SPTBN4: variants seen among roughly 807,000 people sequenced by gnomAD.
SPTBN4 encodes spectrin beta chain, non-erythrocytic 4.
Under a neutral mutation model 277.8 loss-of-function variants are expected in SPTBN4, and 96 were observed. The observed-to-expected ratio is 0.35, with a 90% CI of 0.29 to 0.41. SPTBN4 has a LOEUF of 0.41. Among genes scored for constraint, SPTBN4 ranks in the 10% least tolerant of loss-of-function variants. SPTBN4 has a pLI of 1.00. For missense variants in SPTBN4, 3,006 were observed against 3,595.7 expected, an observed-to-expected ratio of 0.84 and a Z score of 4.19; for synonymous variants, 1,481 against 1,580.3, an observed-to-expected ratio of 0.94 and a Z score of 1.49.
At chr19:40,549,037 G>A (rs2080887205) in intron 20 of SPTBN4, 152 bp from the exon 21 acceptor site, 2 of 616,654 alleles carry the variant, frequency 3.2e-6, no homozygotes, top group Non-Finnish European at 2.7e-6. Flanking sequence ...AGGTTCATGC[G>A]GAGCGCATCG....
In SPTBN4 at chr19:40,560,281, T is replaced by TGAG; in HGVS notation, c.5796_5798dup (p.Glu1932dup). On this transcript the variant is annotated inframe_insertion, in exon 27 of 36. Transcript: ENST00000598249. This position sits in a 1 kb window ranked among gnomAD's most constrained non-coding sequence, Gnocchi z 5.2. ...GTTGGAAAGAGCTGCTGTCAGCCTGTGAGGATGCCCGCCTGCATGTCAGCT... is the reference window on the plus strand; with the variant it reads ...GTTGGAAAGAGCTGCTGTCAGCCTGTGAGGAGGATGCCCGCCTGCATGTCAGCT... The TGAG allele has an allele frequency of 6.2e-7, 1 of 1,613,988 alleles. No individual in the cohort carries two copies. The highest frequency in any genetic ancestry group is 8.5e-7 in the Non-Finnish European group (1 of 1,179,976).
At chr19:40,480,866 C>T (rs1163306282) in intron 2 of SPTBN4, among the ~76,000 whole-genome samples, 1 of 152,074 alleles carries the variant, frequency 6.6e-6, no homozygotes, top group African/African-American at 2.4e-5. Context: ...AGTTCAAGAC[C>T]AGCCTGGGCA....
intron 17 of SPTBN4, chr19:40,524,695 A>C (rs2080569675): frequency 2.2e-6 from 1 of 448,496 alleles, no homozygotes; most frequent in Non-Finnish European, 4.5e-6. Context: ...ATTTTGCATA[A>C]GCACCTCTTC....
At chr19:40,484,200 T>C (rs1029350438) in intron 2 of SPTBN4, among the ~76,000 whole-genome samples, 2 of 152,180 alleles carry the variant, frequency 1.3e-5, no homozygotes, top group African/African-American at 4.8e-5. Context: ...CCATTAACCA[T>C]CACCCCTTCC....
chr19:40,520,727 AGTG>A (rs2145878348), intron 16 of SPTBN4, among the ~76,000 whole-genome samples: 1 of 152,322 alleles, frequency 6.6e-6, no homozygotes, highest in Admixed American at 6.5e-5. Flanking sequence ...AACCAAGTGC[AGTG>A]GTTATCTGGG....
chr19:40,473,838 A>T (rs1176742743), intron 2 of SPTBN4, among the ~76,000 whole-genome samples: 2 of 151,384 alleles, frequency 1.3e-5, no homozygotes, highest in Non-Finnish European at 2.9e-5. Context: ...AGATTCTTAG[A>T]CCTCTTGAAA....
In SPTBN4 at chr19:40,528,208, C is replaced by T. The variant is rs892461316; in HGVS notation, c.3858-833C>T. On this transcript the variant is annotated intron_variant, in intron 17 of 35. Coordinates refer to ENST00000598249, the MANE Select transcript of SPTBN4 (RefSeq NM_020971.3). ...GCAACAGGACAGGGATGCATGGGAG[C>T]CCATGTGGGATGCCCCAGCCCCATC... 3.9e-5 allele frequency among the ~76,000 whole-genome samples: 6 copies of T among 152,058 alleles called. No homozygotes were observed. The East Asian group carries it at 9.6e-4, about 24-fold the overall frequency.
At chr19:40,479,566 CA>C (rs1417657971) in intron 2 of SPTBN4, among the ~76,000 whole-genome samples, 1 of 151,590 alleles carries the variant, frequency 6.6e-6, no homozygotes, top group Non-Finnish European at 1.5e-5. Flanking sequence ...CTCGACCTCC[CA>C]AAGTGTTGGG....
Position 40,557,196 on chromosome 19 carries a change from G to T in SPTBN4, c.5463G>T (p.Glu1821Asp). The T allele has an allele frequency of 1.2e-6, 2 of 1,610,970 alleles. No individual in the cohort carries two copies. The highest frequency in any genetic ancestry group is 1.7e-6 in the Non-Finnish European group (2 of 1,177,768). Reference sequence around the variant, plus strand: ...ACGAGGCCTGGGCTGAGCTGCTGGAGCTCATGGGCACACGGGCCCAGCTGC... The same window carrying T: ...ACGAGGCCTGGGCTGAGCTGCTGGATCTCATGGGCACACGGGCCCAGCTGC... ...GLNEAWAELL[E>D]LMGTRAQLLA... The change falls in exon 26 of 36, where the codon GAG (glutamate) becomes GAT (aspartate). Residue 1821 changes from glutamate (E) to aspartate (D), a missense_variant. Coordinates refer to ENST00000598249, the MANE Select transcript of SPTBN4 (RefSeq NM_020971.3).
intron 20 of SPTBN4, 79 bp downstream of exon 20, chr19:40,534,422 G>A (rs2080712479): frequency 4.0e-6 from 6 of 1,511,810 alleles, no homozygotes; most frequent in Non-Finnish European, 4.5e-6. Flanking sequence ...CTCAAGGTAT[G>A]TCAAGTGGAG....
chr19:40,509,293 C>T (rs888417576), intron 13 of SPTBN4, among the ~76,000 whole-genome samples: 4 of 151,940 alleles, frequency 2.6e-5, no homozygotes, highest in East Asian at 1.9e-4. Flanking sequence ...TTGTCCAGGC[C>T]AGATTGCAAT....
Position 40,490,049 on chromosome 19 carries a change from A to G in SPTBN4, c.322-26A>G. 1.3e-6 allele frequency: 2 copies of G among 1,580,416 alleles called. No individual in the cohort carries two copies. Among genetic ancestry groups the G allele is most frequent in the Non-Finnish European group, 1.7e-6 (2 of 1,161,866 alleles). On this transcript the variant is annotated intron_variant, in intron 3 of 35. Transcript: ENST00000598249. The surrounding 1 kb of genome is among the most constrained non-coding windows in gnomAD (Gnocchi z 4.3). ...ATACTCCTGTCTGTCCAGACCCCCGATCGCCCACCGCCCCTGTCGCCCTAG... is the reference window on the plus strand; with the variant it reads ...ATACTCCTGTCTGTCCAGACCCCCGGTCGCCCACCGCCCCTGTCGCCCTAG...
Position 40,503,892 on chromosome 19 carries a change from G to A in SPTBN4, c.1425G>A (p.Glu475=), listed in dbSNP as rs752333404. 1.2e-6 allele frequency: 2 copies of A among 1,612,296 alleles called. No individual in the cohort carries two copies. Among genetic ancestry groups the A allele is most frequent in the South Asian group, 2.2e-5 (2 of 90,992 alleles). Residue 475 remains glutamate, a synonymous_variant, in exon 12 of 36, where the codon GAG becomes GAA. Transcript: ENST00000598249. ...EAAMKKHEAI[E]ADIAAYEERV... ...CCATGAAGAAACACGAAGCGATCGAGGCAGACATTGCGGCCTACGAGGAGC... is the reference window on the plus strand; with the variant it reads ...CCATGAAGAAACACGAAGCGATCGAAGCAGACATTGCGGCCTACGAGGAGC...
chr19:40,564,209 T>C (rs927873868), intron 27 of SPTBN4, among the ~76,000 whole-genome samples: 1 of 151,968 alleles, frequency 6.6e-6, no homozygotes, highest in Non-Finnish European at 1.5e-5. Flanking sequence ...ACAAAAAAAT[T>C]AGCCAGGCAT....
rs1430810986 is a variant in SPTBN4 at position 40,519,893 on chromosome 19, C to T, written c.3396C>T (p.His1132=). The T allele has an allele frequency of 5.2e-6, 8 of 1,525,262 alleles. No homozygotes were observed. The highest frequency in any genetic ancestry group is 4.5e-5 in the Admixed American group (2 of 44,500). The allele number at this position is 1,525,262 out of a possible 1,614,324, so 94.5% of individuals were successfully genotyped here. A position where few individuals can be genotyped will look rare whatever the true frequency, so the allele number is the denominator to read the frequency against. The change falls in exon 16 of 36, where the codon CAC becomes CAT. Residue 1132 remains histidine (H), a synonymous_variant. Transcript: ENST00000598249. The surrounding 1 kb of genome is among the most constrained non-coding windows in gnomAD (Gnocchi z 5.7). ...LEEADALLAR[H]AALKEEVDQR... is the part of the protein sequence containing the mutation. The stretch of plus-strand genomic sequence containing the variant: ...AGGCGGACGCGCTGCTGGCGCGCCA[C>T]GCTGCGCTCAAGGAGGAGGTGGACC...
intron 22 of SPTBN4, among the ~76,000 whole-genome samples, chr19:40,551,357 C>T (rs2080915627): frequency 2.0e-5 from 3 of 151,644 alleles, no homozygotes; most frequent in Admixed American, 2.0e-4. Context: ...CCACTGCACT[C>T]CACCCTGTGC....
chr19:40,476,901 G>C (rs900799619), intron 2 of SPTBN4, among the ~76,000 whole-genome samples: 1 of 151,758 alleles, frequency 6.6e-6, no homozygotes, highest in African/African-American at 2.4e-5. Flanking sequence ...TTTAGTTTTT[G>C]TTTGTTTTTT....
At position 40,497,586 on chromosome 19, in the gene SPTBN4, C is replaced by T. The variant is rs200954322; in HGVS notation, c.766C>T (p.Arg256Trp). 5.0e-6 allele frequency: 8 copies of T among 1,613,710 alleles called. No individual in the cohort carries two copies. Among genetic ancestry groups the T allele is most frequent in the Middle Eastern group, 1.6e-4 (1 of 6,084 alleles). Residue 256 changes from arginine (R) to tryptophan (W), a missense_variant, in exon 7 of 36, where the codon CGG becomes TGG. By Grantham distance (101) the Arg-to-Trp change is moderately radical. Around this residue, in one of 5 missense-constraint regions of SPTBN4, gnomAD observed 1,759 missense variants for 2,061.5 expected, o/e 0.85. Coordinates refer to ENST00000598249, the MANE Select transcript of SPTBN4 (RefSeq NM_020971.3). ...AGCTGAGCAGCACCTGGGGCTGGCGCGGCTGCTGGATCCTGAAGGTGAGCC... is the reference window on the plus strand; with the variant it reads ...AGCTGAGCAGCACCTGGGGCTGGCGTGGCTGCTGGATCCTGAAGGTGAGCC... ...RTAEQHLGLA[R>W]LLDPEDVNME... is the part of the protein sequence containing the mutation.
At chr19:40,571,064 AG>A in intron 33 of SPTBN4, 1 of 271,932 alleles carries the variant, frequency 3.7e-6, no homozygotes, top group South Asian at 5.1e-5. Context: ...GGTAGAGCTT[AG>A]GTGGGAACAG....
Sources: allele counts gnomAD v4.1 joint callset (sites outside exome capture counted in the v4.1 genomes callset), GRCh38; gene constraint gnomAD v4.1.1; regional missense constraint gnomAD v4.1.1; non-coding constraint Gnocchi (gnomAD v3.1); transcripts MANE v1.5; gene names NCBI Gene and HGNC (gene_info 2026-07-23, HGNC 2026-07-21).